Variants in TMEM161B observed in about 807,000 individuals in gnomAD.
TMEM161B encodes the protein transmembrane protein 161B.
A neutral mutation model predicts 61.8 loss-of-function variants in TMEM161B; 34 were observed. That is an observed-to-expected ratio of 0.55 (90% CI 0.42 to 0.73). The LOEUF is 0.73. Ranked by LOEUF, TMEM161B falls within the 30% of genes least tolerant of loss-of-function variation. TMEM161B has a pLI of 0.00. For missense variants in TMEM161B, 456 were observed against 558.5 expected, an observed-to-expected ratio of 0.82 and a Z score of 1.85; for synonymous variants, 167 against 192.8, an observed-to-expected ratio of 0.87 and a Z score of 1.11.
chr5:88,194,784 C>A (rs998838015), downstream of TMEM161B, among the ~76,000 whole-genome samples: 1 of 152,156 alleles, frequency 6.6e-6, no homozygotes, highest in East Asian at 1.9e-4. Context: ...GTTAACAGCA[C>A]TGAAACATAA....
chr5:88,213,488 A>AC (rs1747243434), intron 5 of TMEM161B, among the ~76,000 whole-genome samples: 1 of 152,138 alleles, frequency 6.6e-6, no homozygotes, highest in Non-Finnish European at 1.5e-5. Flanking sequence ...GCCAGCCTCA[A>AC]CCTAACCAGA....
At chr5:88,218,052 G>C (rs1193092522) in intron 5 of TMEM161B, among the ~76,000 whole-genome samples, 4 of 151,916 alleles carry the variant, frequency 2.6e-5, no homozygotes, top group Non-Finnish European at 5.9e-5. Context: ...AATTATATCA[G>C]AAATTCAAAA....
chr5:88,196,617 A>C, intron 11 of TMEM161B, 129 bp from the exon 12 acceptor site: 1 of 949,888 alleles, frequency 1.1e-6, no homozygotes, highest in Non-Finnish European at 1.5e-6. Flanking sequence ...TTATGTTAAA[A>C]ATAAAGTAAA....
chr5:88,240,461 G>A (rs1752534472), intron 2 of TMEM161B, among the ~76,000 whole-genome samples: 2 of 151,770 alleles, frequency 1.3e-5, no homozygotes, highest in East Asian at 3.9e-4. Context: ...AGAAGGTAGG[G>A]GTGGGAGGAC....
At chr5:88,226,228 C>T (rs764060560) in intron 3 of TMEM161B, among the ~76,000 whole-genome samples, 85 of 152,006 alleles carry the variant, frequency 5.6e-4, no homozygotes, top group African/African-American at 1.5e-3. Context: ...CTTGAAGTGA[C>T]GTGTATAAAC....
intron 9 of TMEM161B, chr5:88,202,600 TC>T (rs1270250014): frequency 4.2e-6 from 1 of 236,764 alleles, no homozygotes; most frequent in Non-Finnish European, 8.2e-6. Context: ...TATATGAGTT[TC>T]CATTTATACT....
intron 4 of TMEM161B, among the ~76,000 whole-genome samples, chr5:88,223,912 G>A (rs1449539066): frequency 2.0e-5 from 3 of 151,504 alleles, no homozygotes; most frequent in Non-Finnish European, 4.4e-5. Flanking sequence ...AAAAAAAACA[G>A]TCTAAATCAT....
chr5:88,208,146 A>C (rs1039691488), intron 5 of TMEM161B, among the ~76,000 whole-genome samples: 1 of 152,038 alleles, frequency 6.6e-6, no homozygotes, highest in Non-Finnish European at 1.5e-5. Flanking sequence ...AGTCAGGAGT[A>C]TGAGACCAGC....
chr5:88,191,979 AGTGTATAT>A (rs1748943434), downstream of TMEM161B, among the ~76,000 whole-genome samples: 1 of 42,230 alleles, frequency 2.4e-5, no homozygotes, highest in South Asian at 9.4e-4. Flanking sequence ...AAAAAAAAAA[AGTGTATAT>A]ATATATATAT....
intron 5 of TMEM161B, among the ~76,000 whole-genome samples, chr5:88,213,382 C>T (rs934756103): frequency 6.6e-6 from 1 of 151,896 alleles, no homozygotes; most frequent in Admixed American, 6.6e-5. Context: ...GTTTCCATTA[C>T]TTTAATTACA....
chr5:88,223,470 G>A (rs1042135360), intron 4 of TMEM161B, among the ~76,000 whole-genome samples: 6 of 152,050 alleles, frequency 3.9e-5, no homozygotes, highest in African/African-American at 9.7e-5. Flanking sequence ...ACAAGTAAGC[G>A]CATATAGGAG....
intron 8 of TMEM161B, 70 bp from the exon 9 acceptor site, chr5:88,203,145 G>T (rs1273072150): frequency 2.1e-6 from 2 of 940,496 alleles, no homozygotes; most frequent in Non-Finnish European, 3.4e-6. Flanking sequence ...AGAAGCTGGG[G>T]TCTTACTAAA....
At chr5:88,240,480 T>C (rs1207722571) in intron 2 of TMEM161B, among the ~76,000 whole-genome samples, 1 of 151,760 alleles carries the variant, frequency 6.6e-6, no homozygotes, top group Admixed American at 6.6e-5. Context: ...ACTGAATTCT[T>C]GTCCATGACC....
At chr5:88,228,596 ATATT>A in intron 2 of TMEM161B, 68 bp from the exon 3 acceptor site, 1 of 1,133,454 alleles carries the variant, frequency 8.8e-7, no homozygotes, top group Admixed American at 2.6e-5. Context: ...CATCCTATAA[ATATT>A]TATTAAGTTT....
chr5:88,199,090 C>T lies in TMEM161B; in HGVS notation c.975G>A (p.Leu325=), dbSNP rs1373859449. 6.2e-7 allele frequency: 1 copy of T among 1,612,918 alleles called. No individual in the cohort carries two copies. The highest frequency in any genetic ancestry group is 1.1e-5 in the South Asian group (1 of 91,010). Reference sequence around the variant, plus strand: ...GGTGACTACGCATCATGGCCAACCGCAAAGCACACAGCAGGATTATTAACC... The same window carrying T: ...GGTGACTACGCATCATGGCCAACCGTAAAGCACACAGCAGGATTATTAACC... ...RLWLIILLCA[L]RLAMMRSHLQ... is the part of the protein sequence containing the mutation. The change falls in exon 10 of 12, where the codon TTG becomes TTA. Residue 325 remains leucine (L), a synonymous_variant. Coordinates refer to ENST00000296595, the MANE Select transcript of TMEM161B (RefSeq NM_153354.5).
chr5:88,227,997 A>G (rs1194495342), intron 3 of TMEM161B, among the ~76,000 whole-genome samples: 2 of 152,100 alleles, frequency 1.3e-5, no homozygotes, highest in Non-Finnish European at 2.9e-5. Flanking sequence ...AACATTCAGG[A>G]GCTGATGGGA....
At chr5:88,250,042 T>C (rs752838748) in intron 1 of TMEM161B, among the ~76,000 whole-genome samples, 1 of 152,150 alleles carries the variant, frequency 6.6e-6, no homozygotes, top group South Asian at 2.1e-4. Flanking sequence ...TTCACCATGA[T>C]AGAACAACAC....
intron 5 of TMEM161B, among the ~76,000 whole-genome samples, chr5:88,212,883 C>T (rs1266442099): frequency 6.6e-6 from 1 of 152,156 alleles, no homozygotes; most frequent in Non-Finnish European, 1.5e-5. Flanking sequence ...GTTGCTAATA[C>T]ACAAGTATGA....
chr5:88,199,709 G>A (rs1744011973), intron 9 of TMEM161B: 1 of 152,132 alleles, frequency 6.6e-6, no homozygotes, highest in East Asian at 1.9e-4. Flanking sequence ...TCGGTTCTGA[G>A]CAATTCCTCA....
Sources: allele counts gnomAD v4.1 joint callset (sites outside exome capture counted in the v4.1 genomes callset), GRCh38; gene constraint gnomAD v4.1.1; transcripts MANE v1.5; gene names NCBI Gene and HGNC (gene_info 2026-07-23, HGNC 2026-07-21).